SAMD11: variants seen among roughly 807,000 people sequenced by gnomAD.
SAMD11 encodes the protein sterile alpha motif domain-containing protein 11.
In SAMD11, 77 loss-of-function variants were observed where a neutral mutation model predicts 64.4. That is an observed-to-expected ratio of 1.20 (90% CI 0.99 to 1.44). The LOEUF is 1.44. Among genes scored for constraint, SAMD11 ranks in the 40% most tolerant of loss-of-function variants. The pLI, the probability that SAMD11 is intolerant of heterozygous loss-of-function variation, is 0.00. For synonymous variants in SAMD11, 658 were observed against 421.9 expected, an observed-to-expected ratio of 1.56 and a Z score of -6.86; for missense variants, 1,402 against 943.3, an observed-to-expected ratio of 1.49 and a Z score of -6.37.
chr1:941,490 C>T (rs1276234065), intron 8 of SAMD11, among the ~76,000 whole-genome samples, 184 bp downstream of exon 8: 1 of 151,892 alleles, frequency 6.6e-6, no homozygotes, highest in Non-Finnish European at 1.5e-5. Context: ...CACTGGGGTG[C>T]GTGAGGGAGG....
At chr1:943,677 C>T in intron 12 of SAMD11, 21 bp from the exon 13 acceptor site, 3 of 1,530,980 alleles carry the variant, frequency 2.0e-6, no homozygotes, top group Admixed American at 2.0e-5. Flanking sequence ...GGTCCTGACC[C>T]TCCCTCCCTC....
At chr1:927,919 G>A (rs574643973) in intron 2 of SAMD11, among the ~76,000 whole-genome samples, 12 of 152,348 alleles carry the variant, frequency 7.9e-5, no homozygotes, top group South Asian at 2.1e-4. Context: ...CTGGGGTGCC[G>A]GTGTGTCCCC....
At position 944,394 on chromosome 1, in the gene SAMD11, G is replaced by T. The variant is rs924278409; in HGVS notation, c.*241G>T. On this transcript the variant is annotated 3_prime_UTR_variant, in exon 14 of 14. Coordinates refer to ENST00000616016, the MANE Select transcript of SAMD11 (RefSeq NM_001385641.1). ...GCAGAGGTGGTGGAAGGGGCCAGGG[G>T]CCTGCAGGCCTCCCCCTGGAACTGG... The T allele has an allele frequency of 4.2e-5, 53 of 1,259,990 alleles. No homozygotes were observed. In the African/African-American group the frequency reaches 4.8e-4, roughly 11 times the overall value. The allele number at this position is 1,259,990 out of a possible 1,614,324, so 78.1% of individuals were successfully genotyped here.
intron 7 of SAMD11, 25 bp downstream of exon 7, chr1:939,437 C>A (rs201898716): frequency 7.0e-7 from 1 of 1,434,106 alleles, no homozygotes; most frequent in African/African-American, 1.4e-5. Context: ...TGGCATGATC[C>A]CCCTCATCAC....
rs992303418 is a variant in SAMD11, at chr1:944,535, C to T, written c.*382C>T. ...GCCCAGCCCAGCCCAGCTCTCGATA[C>T]GTTTGGTCTTTCATGCTGAAAAATA... On this transcript the variant is annotated 3_prime_UTR_variant, in exon 14 of 14. Coordinates refer to ENST00000616016, the MANE Select transcript of SAMD11 (RefSeq NM_001385641.1). 4.5e-5 allele frequency: 28 copies of T among 624,802 alleles called. No individual in the cohort carries two copies. The Admixed American group carries it at 6.9e-4, about 16-fold the overall frequency. 38.7% of individuals were successfully genotyped at this position (624,802 alleles called of 1,614,324 possible). A position where few individuals can be genotyped will look rare whatever the true frequency, so the allele number is the denominator to read the frequency against.
intron 12 of SAMD11, 38 bp downstream of exon 12, chr1:943,415 C>G (rs769841849): frequency 1.3e-6 from 2 of 1,485,826 alleles, no homozygotes; most frequent in South Asian, 2.6e-5. Flanking sequence ...GGGGCTGGAG[C>G]TGGCTGGCAG....
rs753495417 is a variant in SAMD11, at chr1:944,040, A to C, written c.2422A>C (p.Thr808Pro). 23 of 1,612,682 alleles carry C rather than the reference A, an allele frequency of 1.4e-5. No individual in the cohort carries two copies. In the Admixed American group the frequency reaches 2.8e-4, roughly 20 times the overall value. ...GCAGCCCTTGTCCCCCACGACGGCC[A>C]CGTCCCCCTATGGAGGGGGCCACGC... ...GEQPLSPTTA[T>P]SPYGGGHALA... The change falls in exon 14 of 14, where the codon ACG becomes CCG. Residue 808 changes from threonine to proline, a missense_variant. Coordinates refer to ENST00000616016, the MANE Select transcript of SAMD11 (RefSeq NM_001385641.1).
chr1:932,558 C>T (rs914053116), intron 4 of SAMD11, among the ~76,000 whole-genome samples: 4 of 152,228 alleles, frequency 2.6e-5, no homozygotes, highest in African/African-American at 9.6e-5. Context: ...CCCTGGTGTC[C>T]GGTCAGAGCG....
Position 935,810 on chromosome 1 carries a change from A to T in SAMD11, c.881A>T (p.His294Leu), listed in dbSNP as rs1569889088. Residue 294 changes from histidine to leucine, a missense_variant, in exon 5 of 14, where the codon CAC becomes CTC. Transcript: ENST00000616016. ...GNLPTLISSVHRSRHLVMPEH... is the reference protein window; with the variant it reads ...GNLPTLISSVLRSRHLVMPEH... ...CTTCCCACCCTCATATCCAGCGTCC[A>T]CCGCAGCCGCCACCTCGTTATGCCC... is the stretch of plus-strand genomic sequence containing the variant. 4 of 1,613,374 alleles carry T rather than the reference A, an allele frequency of 2.5e-6. No homozygotes were observed. The highest frequency in any genetic ancestry group is 3.4e-6 in the Non-Finnish European group (4 of 1,179,884).
In SAMD11 at chr1:943,682, T is replaced by TCCCTCCCC. The variant is rs1179400421; in HGVS notation, c.2179-14_2179-7dup. On this transcript the variant is annotated splice_polypyrimidine_tract_variant and intron_variant, in intron 12 of 13. Coordinates refer to ENST00000616016, the MANE Select transcript of SAMD11 (RefSeq NM_001385641.1). ...GCAGCACCCGGGTCCTGACCCTCCC[T>TCCCTCCCC]CCCTCCCCCTTCCAGGTCTTCAGGG... 7 of 1,128,632 alleles carry TCCCTCCCC rather than the reference T, an allele frequency of 6.2e-6. No homozygotes were observed. Among genetic ancestry groups the TCCCTCCCC allele is most frequent in the African/African-American group, 3.2e-5 (2 of 62,954 alleles). The allele number at this position is 1,128,632 out of a possible 1,614,324, so 69.9% of individuals were successfully genotyped here.
intron 2 of SAMD11, among the ~76,000 whole-genome samples, chr1:927,461 C>G (rs1408145399): frequency 1.3e-5 from 2 of 152,194 alleles, no homozygotes; most frequent in Non-Finnish European, 2.9e-5. Context: ...CCTGGGGCTC[C>G]CAGGTCCCTG....
At chr1:942,067 G>A (rs926657902) in intron 8 of SAMD11, 69 bp from the exon 9 acceptor site, 13 of 477,506 alleles carry the variant, frequency 2.7e-5, no homozygotes, top group Non-Finnish European at 4.7e-5. Context: ...AGGCGGCGGG[G>A]GAGGGGCGCC....
At position 924,092 on chromosome 1, in the gene SAMD11, G is replaced by A. The variant is rs1569853258; in HGVS notation, c.-340G>A. The A allele has an allele frequency of 6.7e-6, 1 of 149,822 alleles. No homozygotes were observed. Among genetic ancestry groups the A allele is most frequent in the East Asian group, 2.0e-4 (1 of 5,096 alleles). The allele number at this position is 149,822 out of a possible 1,614,324, so 9.3% of individuals were successfully genotyped here. ...CCTGGCGGGTGGGTCGGCGAGCCGG[G>A]CGTGGGACTGCCCCGGGCGCGGGCG... On this transcript the variant is annotated 5_prime_UTR_variant, in exon 1 of 14. Transcript: ENST00000616016.
At position 941,133 on chromosome 1, in the gene SAMD11, C is replaced by A. The variant is rs772365269; in HGVS notation, c.1196-11C>A. On this transcript the variant is annotated splice_polypyrimidine_tract_variant and intron_variant, in intron 7 of 13. Coordinates refer to ENST00000616016, the MANE Select transcript of SAMD11 (RefSeq NM_001385641.1). ...TAGCCGGGGGGATCACTGCTGTTGT[C>A]CCCCACCCAGATCTCCTGAGGGTCC... The A allele has an allele frequency of 2.5e-6, 4 of 1,590,646 alleles. No homozygotes were observed. The highest frequency in any genetic ancestry group is 2.3e-5 in the South Asian group (2 of 87,704).
intron 7 of SAMD11, among the ~76,000 whole-genome samples, chr1:939,804 C>T (rs1331632138): frequency 6.6e-6 from 1 of 151,134 alleles, no homozygotes; most frequent in South Asian, 2.1e-4. Flanking sequence ...ACCTGCCAGA[C>T]GCCTGCCCCA....
In SAMD11 at chr1:942,724, GC is replaced by G. The variant is rs1223597129; in HGVS notation, c.1726del (p.Gln576ArgfsTer38). The G allele has an allele frequency of 1.2e-5, 18 of 1,462,440 alleles. No individual in the cohort carries two copies. In the East Asian group the frequency reaches 2.2e-4, roughly 18 times the overall value. The allele number at this position is 1,462,440 out of a possible 1,614,324, so 90.6% of individuals were successfully genotyped here. A position where few individuals can be genotyped will look rare whatever the true frequency, so the allele number is the denominator to read the frequency against. ...NHGAAPLLAL[P>X]PQGPPGSGPP... is the part of the protein sequence containing the mutation. ...ACGGCGCGGCGCCACTGCTGGCCCT[GC>G]CCCCCCAGGGGCCCCCGGGCTCCGG... is the stretch of plus-strand genomic sequence containing the variant. On this transcript the variant is annotated frameshift_variant, in exon 11 of 14. Coordinates refer to ENST00000616016, the MANE Select transcript of SAMD11 (RefSeq NM_001385641.1). LOFTEE classifies it high-confidence loss of function.
intron 1 of SAMD11, chr1:925,646 A>T: frequency 2.8e-6 from 1 of 354,468 alleles, no homozygotes. Flanking sequence ...GGGGCCGGGG[A>T]GAGGGTGGAG....
At position 943,768 on chromosome 1, in the gene SAMD11, TG is replaced by T; in HGVS notation, c.2253del (p.Leu752Ter). 1 of 1,611,246 alleles carries T rather than the reference TG, an allele frequency of 6.2e-7. No homozygotes were observed. Among genetic ancestry groups the T allele is most frequent in the Non-Finnish European group, 8.5e-7 (1 of 1,179,304 alleles). Reference sequence around the variant, plus strand: ...ACGGAGGAGCACCTGCTGACCAACATGGGGCTGAAGCTGGGGCCCGCCCTCA... The same window carrying T: ...ACGGAGGAGCACCTGCTGACCAACATGGGCTGAAGCTGGGGCCCGCCCTCA... ...LLTEEHLLTN[M>X]GLKLGPALKI... On this transcript the variant is annotated frameshift_variant, in exon 13 of 14. Coordinates refer to ENST00000616016, the MANE Select transcript of SAMD11 (RefSeq NM_001385641.1). LOFTEE classifies it low-confidence loss of function (END_TRUNC).
chr1:944,158 GC>G lies in SAMD11; in HGVS notation c.*7del. On this transcript the variant is annotated 3_prime_UTR_variant, in exon 14 of 14. Coordinates refer to ENST00000616016, the MANE Select transcript of SAMD11 (RefSeq NM_001385641.1). ...CCTTCCCAGCCTCTGTGTTGAGGTT[GC>G]CGGGGGTAGGGGTGGGGCCACACAA... 1 of 1,542,246 alleles carries G rather than the reference GC, an allele frequency of 6.5e-7. No homozygotes were observed. Among genetic ancestry groups the G allele is most frequent in the Non-Finnish European group, 8.7e-7 (1 of 1,142,970 alleles).
Sources: gnomAD v4.1 joint callset for allele counts (sites outside exome capture counted in the v4.1 genomes callset) on GRCh38, gnomAD v4.1.1 for gene constraint, MANE v1.5 for transcripts, NCBI Gene and HGNC (gene_info 2026-07-23, HGNC 2026-07-21) for gene names.